ZSCAN4: variants seen among roughly 807,000 people sequenced by gnomAD.
ZSCAN4 encodes the protein zinc finger and SCAN domain containing 4.
A neutral mutation model predicts 18.3 loss-of-function variants in ZSCAN4; 18 were observed. The ratio of observed to expected loss-of-function variants is 0.98; its 90% CI spans 0.68 to 1.46. The LOEUF is 1.46. ZSCAN4 is among the 40% of genes most tolerant of loss of function. The pLI is 0.00. For synonymous variants in ZSCAN4, 193 were observed against 180.3 expected (o/e 1.07, Z -0.57); for missense variants, 498 against 511.4 (o/e 0.97, Z 0.25).
intron 2 of ZSCAN4, among the ~76,000 whole-genome samples, chr19:57,672,940 A>G (rs370784955): frequency 5.3e-5 from 8 of 152,262 alleles, no homozygotes; most frequent in Admixed American, 3.3e-4. Flanking sequence ...AATTTCAAGC[A>G]TACAATATAT....
the ZSCAN4 span, among the ~76,000 whole-genome samples, chr19:57,659,833 T>C: frequency 1.3e-5 from 2 of 152,196 alleles, no homozygotes; most frequent in Non-Finnish European, 2.9e-5. Flanking sequence ...AGATCAATTT[T>C]ATTTTTACTT....
the ZSCAN4 span, among the ~76,000 whole-genome samples, chr19:57,654,925 T>C: frequency 2.4e-4 from 37 of 152,152 alleles, 1 homozygote; most frequent in Admixed American, 2.4e-3. Context: ...CCCTTGCTCC[T>C]AGCACCCTCC....
At chr19:57,660,550 A>T in the ZSCAN4 span, among the ~76,000 whole-genome samples, 3 of 152,198 alleles carry the variant, frequency 2.0e-5, no homozygotes, top group African/African-American at 7.2e-5. Context: ...TAATAATGCA[A>T]ATTTTACTTA....
At chr19:57,665,716 G>C (rs369427996), upstream of ZSCAN4, among the ~76,000 whole-genome samples, 1 of 152,010 alleles carries the variant, frequency 6.6e-6, no homozygotes, top group African/African-American at 2.4e-5. Context: ...TCAGGAGTTC[G>C]AGACCAGCCT....
the ZSCAN4 span, among the ~76,000 whole-genome samples, chr19:57,663,371 A>G: frequency 1.3e-5 from 2 of 151,280 alleles, no homozygotes; most frequent in East Asian, 3.9e-4. Flanking sequence ...CATTAAGATA[A>G]TGGTAGACCT....
At chr19:57,676,661 C>T in intron 3 of ZSCAN4, 120 bp downstream of exon 3, 1 of 1,101,438 alleles carries the variant, frequency 9.1e-7, no homozygotes, top group Non-Finnish European at 1.3e-6. Context: ...TTAGTCAGCT[C>T]ACACTCTCCC....
chr19:57,676,609 A>AACT, intron 3 of ZSCAN4, 68 bp downstream of exon 3: 1 of 1,514,670 alleles, frequency 6.6e-7, no homozygotes, highest in East Asian at 2.3e-5. Context: ...ACAGTCAGTT[A>AACT]GAGTTGTCTG....
upstream of ZSCAN4, among the ~76,000 whole-genome samples, chr19:57,667,685 A>G (rs1186606841): frequency 6.6e-6 from 1 of 152,134 alleles, no homozygotes; most frequent in Non-Finnish European, 1.5e-5. Context: ...CTGGCTGTAT[A>G]TCTGAACTCA....
At chr19:57,670,623 T>G (rs1261776393) in intron 2 of ZSCAN4, 56 bp downstream of exon 2, 2 of 152,134 alleles carry the variant, frequency 1.3e-5, no homozygotes, top group African/African-American at 4.8e-5. Context: ...ATACATTTTG[T>G]GTCTTTGAGT....
exon 5 of ZSCAN4, chr19:57,679,021 G>A (rs1283538531): frequency 2.4e-6 from 3 of 1,248,708 alleles, no homozygotes; most frequent in Non-Finnish European, 3.2e-6. Flanking sequence ...TTATTGTCTT[G>A]CTTCATTAAA....
upstream of ZSCAN4, among the ~76,000 whole-genome samples, chr19:57,666,000 A>G (rs573495909): frequency 1.1e-4 from 16 of 152,348 alleles, no homozygotes; most frequent in African/African-American, 3.8e-4. Context: ...AATTTGAGAA[A>G]GTCACTTTGG....
chr19:57,677,422 T>A (rs1984219299), intron 3 of ZSCAN4, among the ~76,000 whole-genome samples: 1 of 151,502 alleles, frequency 6.6e-6, no homozygotes, highest in Non-Finnish European at 1.5e-5. Context: ...GTGGCACATT[T>A]TTTTTTTTGC....
the ZSCAN4 span, among the ~76,000 whole-genome samples, chr19:57,660,581 GA>G: frequency 1.3e-5 from 2 of 152,200 alleles, no homozygotes; most frequent in Non-Finnish European, 2.9e-5. Context: ...TGGGGGAGTA[GA>G]GGAGGGTTGT....
chr19:57,672,069 AT>A (rs1984038856), intron 2 of ZSCAN4, among the ~76,000 whole-genome samples: 1 of 152,198 alleles, frequency 6.6e-6, no homozygotes, highest in Non-Finnish European at 1.5e-5. Flanking sequence ...TCCATTCAGG[AT>A]TTCAAAGGGT....
chr19:57,678,990 T>C, exon 5 of ZSCAN4: 1 of 1,375,930 alleles, frequency 7.3e-7, no homozygotes, highest in Non-Finnish European at 9.6e-7. Flanking sequence ...TAAGATATAA[T>C]CTCCTGATTA....
At chr19:57,666,378 G>A (rs183570082), upstream of ZSCAN4, among the ~76,000 whole-genome samples, 1 of 152,246 alleles carries the variant, frequency 6.6e-6, no homozygotes, top group African/African-American at 2.4e-5. Flanking sequence ...TTAGCTAATG[G>A]AGTGGTGCGG....
exon 5 of ZSCAN4, chr19:57,678,550 A>C (rs1459802470): frequency 6.2e-7 from 1 of 1,614,020 alleles, no homozygotes; most frequent in East Asian, 2.2e-5. Context: ...AAATGTGAAG[A>C]ATGCCCCAAG....
At chr19:57,663,222 A>C in the ZSCAN4 span, among the ~76,000 whole-genome samples, 2 of 151,088 alleles carry the variant, frequency 1.3e-5, no homozygotes, top group Non-Finnish European at 2.9e-5. Flanking sequence ...TTCACTTTGA[A>C]TCCCACATGT....
the ZSCAN4 span, among the ~76,000 whole-genome samples, chr19:57,661,395 C>G: frequency 5.3e-5 from 8 of 152,094 alleles, no homozygotes; most frequent in Admixed American, 5.2e-4. Context: ...TCTCCATATT[C>G]CCTTCATGTA....
Sources: gnomAD v4.1 joint callset for allele counts (sites outside exome capture counted in the v4.1 genomes callset) on GRCh38, gnomAD v4.1.1 for gene constraint, MANE v1.5 for transcripts, NCBI Gene and HGNC (gene_info 2026-07-23, HGNC 2026-07-21) for gene names.